Variants in PAQR8 observed in about 807,000 individuals in gnomAD.
The protein encoded by PAQR8 is membrane progestin receptor beta.
In PAQR8, 17 loss-of-function variants were observed where a neutral mutation model predicts 25.2. The observed-to-expected ratio is 0.67, with a 90% confidence interval of 0.46 to 1.01. PAQR8 has a LOEUF of 1.01. PAQR8 is among the 50% of genes least tolerant of loss of function. The pLI is 0.00. For synonymous variants in PAQR8, 204 were observed against 190.6 expected (o/e 1.07, Z -0.58); for missense variants, 392 against 448.4 (o/e 0.87, Z 1.14).
intron 1 of PAQR8, among the ~76,000 whole-genome samples, chr6:52,398,946 T>C (rs650342): frequency 0.24 from 36,497 of 152,052 alleles, 4,881 homozygotes; most frequent in African/African-American, 0.33. Context: ...AGTTAGAGCC[T>C]ATGGTGGTTG....
chr6:52,397,191 C>T (rs1458086420), intron 1 of PAQR8, among the ~76,000 whole-genome samples: 4 of 152,170 alleles, frequency 2.6e-5, no homozygotes, highest in Non-Finnish European at 4.4e-5. Flanking sequence ...AAATGACTCT[C>T]ATTTCCTCTG....
At chr6:52,385,954 T>C (rs1324687345) in intron 1 of PAQR8, among the ~76,000 whole-genome samples, 1 of 152,198 alleles carries the variant, frequency 6.6e-6, no homozygotes, top group African/African-American at 2.4e-5. Flanking sequence ...ATTCATACAT[T>C]ATGCAGGGGT....
chr6:52,367,094 C>A (rs138266896), intron 1 of PAQR8, among the ~76,000 whole-genome samples: 4 of 152,040 alleles, frequency 2.6e-5, no homozygotes, highest in African/African-American at 9.7e-5. Context: ...TTGCCCCTTT[C>A]CCCCAGAGGA....
In PAQR8 at chr6:52,388,560, G is replaced by T. The variant is rs564553496; in HGVS notation, c.-52-14602G>T. Among the ~76,000 whole-genome samples, 3 of 152,214 alleles carry T rather than the reference G, an allele frequency of 2.0e-5. No homozygotes were observed. In the East Asian group the frequency reaches 5.8e-4, roughly 29 times the overall value. The stretch of plus-strand genomic sequence containing the variant: ...GAATGGTATTACTGCCTTTATAAAA[G>T]AAACTCAGGAGAGCTCCCTTGCCTC... On this transcript the variant is annotated intron_variant, in intron 1 of 1. Transcript: ENST00000442253.
At chr6:52,367,601 G>A (rs538882157) in intron 1 of PAQR8, among the ~76,000 whole-genome samples, 2 of 152,318 alleles carry the variant, frequency 1.3e-5, no homozygotes, top group Non-Finnish European at 1.5e-5. Context: ...CCCAAGGATA[G>A]GGCAGGGGCA....
chr6:52,388,102 C>T (rs1055719854), intron 1 of PAQR8, among the ~76,000 whole-genome samples: 4 of 152,236 alleles, frequency 2.6e-5, no homozygotes, highest in African/African-American at 9.6e-5. Context: ...TAGGCTGGAT[C>T]CGGTAGCTCA....
chr6:52,380,701 A>G (rs568709895), intron 1 of PAQR8, among the ~76,000 whole-genome samples: 29 of 152,212 alleles, frequency 1.9e-4, no homozygotes, highest in Non-Finnish European at 3.4e-4. Flanking sequence ...CCAGGCTTCA[A>G]CTGACCTTCC....
In PAQR8 at chr6:52,404,315, C is replaced by G. The variant is rs1156770314; in HGVS notation, c.*37C>G. ...GGGGCAACGTGTGGAGGAAGCCCCT[C>G]ATAATTTGGAGAAAACTTGATACAA... On this transcript the variant is annotated 3_prime_UTR_variant, in exon 2 of 2. Transcript: ENST00000442253. The G allele has an allele frequency of 6.7e-7, 1 of 1,491,124 alleles. No individual in the cohort carries two copies. The highest frequency in any genetic ancestry group is 1.4e-5 in the African/African-American group (1 of 71,134). 92.4% of individuals were successfully genotyped at this position (1,491,124 alleles called of 1,614,324 possible). A position where few individuals can be genotyped will look rare whatever the true frequency, so the allele number is the denominator to read the frequency against.
At chr6:52,397,086 T>C (rs1400446638) in intron 1 of PAQR8, among the ~76,000 whole-genome samples, 1 of 152,074 alleles carries the variant, frequency 6.6e-6, no homozygotes, top group Non-Finnish European at 1.5e-5. Flanking sequence ...TCATTGTCAC[T>C]TAAGCCAAGA....
At chr6:52,402,064 CAT>C (rs898151228) in intron 1 of PAQR8, among the ~76,000 whole-genome samples, 26 of 152,212 alleles carry the variant, frequency 1.7e-4, no homozygotes, top group Middle Eastern at 6.8e-3. Context: ...GTGTAGTAAA[CAT>C]AGAATATTGG....
chr6:52,379,098 A>T (rs1210984822), intron 1 of PAQR8, among the ~76,000 whole-genome samples: 1 of 23,746 alleles, frequency 4.2e-5, no homozygotes, highest in Non-Finnish European at 9.5e-5. Flanking sequence ...CTCTTTATCA[A>T]AAAAAAAAAA....
chr6:52,401,780 G>C (rs1364164408), intron 1 of PAQR8, among the ~76,000 whole-genome samples: 2 of 152,142 alleles, frequency 1.3e-5, no homozygotes, highest in African/African-American at 4.8e-5. Flanking sequence ...CAAAGTACCA[G>C]TGAAATTAGT....
At chr6:52,372,861 ATTC>A (rs1763436566) in intron 1 of PAQR8, among the ~76,000 whole-genome samples, 1 of 151,946 alleles carries the variant, frequency 6.6e-6, no homozygotes, top group African/African-American at 2.4e-5. Context: ...TTTTATTATA[ATTC>A]TTTAAACTTC....
intron 1 of PAQR8, among the ~76,000 whole-genome samples, chr6:52,386,761 TCAG>T (rs1177157812): frequency 6.6e-6 from 1 of 152,164 alleles, no homozygotes; most frequent in Non-Finnish European, 1.5e-5. Context: ...ACCGCAAACC[TCAG>T]CATCATGCAA....
At chr6:52,363,996 T>C (rs541499354) in intron 1 of PAQR8, among the ~76,000 whole-genome samples, 1 of 152,252 alleles carries the variant, frequency 6.6e-6, no homozygotes, top group African/African-American at 2.4e-5. Flanking sequence ...TGTATGGTAA[T>C]TATTTCAGTT....
At chr6:52,390,077 A>G (rs1005097848) in intron 1 of PAQR8, among the ~76,000 whole-genome samples, 1 of 152,228 alleles carries the variant, frequency 6.6e-6, no homozygotes, top group African/African-American at 2.4e-5. Context: ...TCAGAAGAAC[A>G]TGATCTTCAC....
chr6:52,403,812 G>A lies in PAQR8; in HGVS notation c.599G>A (p.Arg200His), dbSNP rs756743628. ...GCTGGCTGTTGCTATGCCAAATATC[G>A]TTACCGGAGGCCTTATCCAGTCATG... ...SCAGCCYAKY[R>H]YRRPYPVMRK... The change falls in exon 2 of 2, where the codon CGT becomes CAT. Residue 200 changes from arginine to histidine, a missense_variant. Arg to His is a conservative substitution (Grantham distance 29). Coordinates refer to ENST00000442253, the MANE Select transcript of PAQR8 (RefSeq NM_133367.5). 2.5e-6 allele frequency: 4 copies of A among 1,614,048 alleles called. No individual in the cohort carries two copies. Among genetic ancestry groups the A allele is most frequent in the Admixed American group, 1.7e-5 (1 of 60,004 alleles).
Position 52,403,841 on chromosome 6 carries a change from A to T in PAQR8, c.628A>T (p.Lys210Ter). The T allele has an allele frequency of 6.2e-7, 1 of 1,614,156 alleles. No individual in the cohort carries two copies. Among genetic ancestry groups the T allele is most frequent in the South Asian group, 1.1e-5 (1 of 91,076 alleles). ...CCGGAGGCCTTATCCAGTCATGAGGAAGATCTGTCAAGTGGTGCCAGCAGG... is the reference window on the plus strand; with the variant it reads ...CCGGAGGCCTTATCCAGTCATGAGGTAGATCTGTCAAGTGGTGCCAGCAGG... ...RYRRPYPVMR[K>*]ICQVVPAGLA... is the part of the protein sequence containing the mutation. The change falls in exon 2 of 2, where the codon AAG (lysine) becomes TAG (stop). Residue 210 changes from lysine to a stop codon, truncating the protein, a stop_gained. Coordinates refer to ENST00000442253, the MANE Select transcript of PAQR8 (RefSeq NM_133367.5). LOFTEE classifies it high-confidence loss of function.
At chr6:52,401,728 G>A (rs981276458) in intron 1 of PAQR8, among the ~76,000 whole-genome samples, 8 of 152,156 alleles carry the variant, frequency 5.3e-5, no homozygotes, top group African/African-American at 1.9e-4. Context: ...CAATTTGCCT[G>A]TCTTAAATAT....
Sources: allele counts gnomAD v4.1 joint callset (sites outside exome capture counted in the v4.1 genomes callset), GRCh38; gene constraint gnomAD v4.1.1; transcripts MANE v1.5; gene names NCBI Gene and HGNC (gene_info 2026-07-23, HGNC 2026-07-21).